Variants in NAALADL2 observed in about 807,000 individuals in gnomAD.
NAALADL2 encodes N-acetylated alpha-linked acidic dipeptidase like 2, also known as inactive N-acetylated-alpha-linked acidic dipeptidase-like protein 2.
A neutral mutation model predicts 87.2 loss-of-function variants in NAALADL2; 76 were observed. That is an observed-to-expected ratio of 0.87 (90% CI 0.72 to 1.05). The LOEUF is 1.05. NAALADL2 is among the 50% of genes least tolerant of loss of function. NAALADL2 has a pLI of 0.00. For missense variants in NAALADL2, 1,089 were observed against 945.8 expected, an observed-to-expected ratio of 1.15 and a Z score of -1.99; for synonymous variants, 354 against 331.0, an observed-to-expected ratio of 1.07 and a Z score of -0.75.
At chr3:174,693,232 T>G (rs1161350420) in intron 2 of NAALADL2, among the ~76,000 whole-genome samples, 1 of 152,118 alleles carries the variant, frequency 6.6e-6, no homozygotes, top group Non-Finnish European at 1.5e-5. Context: ...TCCATGCAGC[T>G]TGAGTGTATG....
chr3:174,692,921 G>C (rs1439595993), intron 2 of NAALADL2, among the ~76,000 whole-genome samples: 2 of 88,656 alleles, frequency 2.3e-5, no homozygotes, highest in Non-Finnish European at 5.7e-5. Flanking sequence ...TGGTATAAAA[G>C]GTTCTATTTG....
intron 2 of NAALADL2, among the ~76,000 whole-genome samples, chr3:174,628,651 A>T (rs1463697902): frequency 6.6e-6 from 1 of 152,176 alleles, no homozygotes; most frequent in Admixed American, 6.5e-5. Context: ...AGAAAGGTTC[A>T]TGCTGACAGA....
chr3:174,721,199 T>C (rs971700064), intron 2 of NAALADL2, among the ~76,000 whole-genome samples: 1 of 152,176 alleles, frequency 6.6e-6, no homozygotes. Flanking sequence ...TAATAAAGCA[T>C]AGTTAGTGTA....
chr3:175,216,318 T>C (rs1210352449), intron 2 of NAALADL2, among the ~76,000 whole-genome samples: 1 of 152,186 alleles, frequency 6.6e-6, no homozygotes, highest in Non-Finnish European at 1.5e-5. Context: ...GCCTAATTTT[T>C]GGTTCTGTTC....
chr3:175,389,427 A>G lies in NAALADL2; in HGVS notation c.1091-57802A>G, dbSNP rs1441345365. ...TCTGGCTTTATAAGTTAAGTGTTAA[A>G]TTGAAATATTATCTTATCAATATAA... On this transcript the variant is annotated intron_variant, in intron 5 of 13. Transcript: ENST00000454872. 2.6e-5 allele frequency among the ~76,000 whole-genome samples: 4 copies of G among 152,158 alleles called. No individual in the cohort carries two copies. The East Asian group carries it at 7.7e-4, about 29-fold the overall frequency.
chr3:175,449,394 C>CTTCTTTTTTTTTTTTTTT (rs1212551637), intron 6 of NAALADL2, among the ~76,000 whole-genome samples: 8 of 48,566 alleles, frequency 1.6e-4, no homozygotes, highest in East Asian at 8.6e-4. Context: ...TAATTTTCTT[C>CTTCTTTTTTTTTTTTTTT]TTTTTTTTTT....
At chr3:175,602,170 T>C (rs1669458376) in intron 10 of NAALADL2, among the ~76,000 whole-genome samples, 1 of 152,086 alleles carries the variant, frequency 6.6e-6, no homozygotes, top group Non-Finnish European at 1.5e-5. Context: ...TAACTATTGA[T>C]AGAAGAGTAG....
intron 4 of NAALADL2, among the ~76,000 whole-genome samples, chr3:175,303,643 G>A (rs1581332810): frequency 2.6e-5 from 4 of 152,212 alleles, no homozygotes; most frequent in African/African-American, 9.6e-5. Flanking sequence ...ACCGCACATA[G>A]CGTTACTTGC....
At chr3:175,051,912 C>T (rs75176831) in intron 1 of NAALADL2, among the ~76,000 whole-genome samples, 2 of 152,140 alleles carry the variant, frequency 1.3e-5, no homozygotes, top group African/African-American at 2.4e-5. Context: ...TTTGCCGAGA[C>T]CAGCTCGGCT....
chr3:175,616,915 G>A (rs927331848), intron 10 of NAALADL2, among the ~76,000 whole-genome samples: 1 of 152,092 alleles, frequency 6.6e-6, no homozygotes, highest in Non-Finnish European at 1.5e-5. Flanking sequence ...ATCTGGATCA[G>A]TATGGCGGTT....
chr3:175,141,820 A>G (rs1730034980), intron 2 of NAALADL2, among the ~76,000 whole-genome samples: 1 of 152,076 alleles, frequency 6.6e-6, no homozygotes, highest in South Asian at 2.1e-4. Context: ...AATGTTTATT[A>G]TGTAACAGGG....
At chr3:174,866,110 A>G (rs1289480940) in intron 1 of NAALADL2, among the ~76,000 whole-genome samples, 2 of 151,952 alleles carry the variant, frequency 1.3e-5, no homozygotes, top group African/African-American at 2.4e-5. Context: ...TTCAAATTAT[A>G]TAGAAATGTA....
chr3:175,678,413 C>CT (rs1271186372), intron 11 of NAALADL2, among the ~76,000 whole-genome samples: 3 of 152,228 alleles, frequency 2.0e-5, no homozygotes, highest in Middle Eastern at 3.4e-3. Flanking sequence ...GAATGTTGTG[C>CT]TACATGCACA....
chr3:174,863,390 C>T (rs1055395111), intron 1 of NAALADL2, among the ~76,000 whole-genome samples: 2 of 152,008 alleles, frequency 1.3e-5, no homozygotes, highest in East Asian at 3.9e-4. Flanking sequence ...TATTATGGAA[C>T]CTGTCCATCC....
intron 4 of NAALADL2, among the ~76,000 whole-genome samples, chr3:175,297,544 T>G (rs781111034): frequency 1.3e-5 from 2 of 152,196 alleles, no homozygotes; most frequent in Non-Finnish European, 2.9e-5. Context: ...TTGTGTAAGT[T>G]GGTTAGTATG....
At chr3:174,525,766 C>T (rs1720691420) in intron 1 of NAALADL2, among the ~76,000 whole-genome samples, 1 of 152,192 alleles carries the variant, frequency 6.6e-6, no homozygotes, top group African/African-American at 2.4e-5. Context: ...AGCATCTCTT[C>T]AACTTGTTAT....
chr3:174,567,815 A>G (rs2108526586), intron 2 of NAALADL2, among the ~76,000 whole-genome samples: 1 of 151,874 alleles, frequency 6.6e-6, no homozygotes, highest in South Asian at 2.1e-4. Context: ...AGTCTCCCAA[A>G]AAATGAAATA....
intron 5 of NAALADL2, among the ~76,000 whole-genome samples, chr3:175,428,425 G>A (rs1263681617): frequency 6.6e-6 from 1 of 152,052 alleles, no homozygotes; most frequent in Non-Finnish European, 1.5e-5. Flanking sequence ...ACTCCTGTTT[G>A]TTGTCCAGCA....
intron 12 of NAALADL2, among the ~76,000 whole-genome samples, chr3:175,747,442 T>C (rs2150113790): frequency 6.6e-6 from 1 of 152,288 alleles, no homozygotes; most frequent in African/African-American, 2.4e-5. Context: ...AACATTTTTT[T>C]CCCTAAGGTG....
Sources: allele counts gnomAD v4.1 joint callset (sites outside exome capture counted in the v4.1 genomes callset), GRCh38; gene constraint gnomAD v4.1.1; transcripts MANE v1.5; gene names NCBI Gene and HGNC (gene_info 2026-07-23, HGNC 2026-07-21).